The following SPOCK3 variants were observed in gnomAD, a reference collection of about 807,000 sequenced individuals.
SPOCK3 encodes the protein testican-3.
A neutral mutation model predicts 56.6 loss-of-function variants in SPOCK3; 30 were observed. The observed-to-expected ratio is 0.53, with a 90% CI of 0.40 to 0.72. The LOEUF is 0.72. Among genes scored for constraint, SPOCK3 ranks in the 30% least tolerant of loss-of-function variants. SPOCK3 has a pLI of 0.00. For synonymous variants in SPOCK3, 196 were observed against 183.3 expected (o/e 1.07, Z -0.56); for missense variants, 527 against 530.0 (o/e 0.99, Z 0.06).
intron 2 of SPOCK3, among the ~76,000 whole-genome samples, chr4:167,078,296 C>T (rs1757382972): frequency 7.4e-6 from 1 of 135,236 alleles, no homozygotes; most frequent in African/African-American, 2.7e-5. Context: ...TATGTGTATC[C>T]AGGTCATAAC....
chr4:166,921,258 G>A (rs1278466977), intron 4 of SPOCK3, among the ~76,000 whole-genome samples: 1 of 151,708 alleles, frequency 6.6e-6, no homozygotes, highest in African/African-American at 2.4e-5. Context: ...TTATCCTATA[G>A]CATTTTTCTA....
chr4:166,752,571 TATACACACACACACACAC>T (rs1179129608), intron 8 of SPOCK3, among the ~76,000 whole-genome samples: 75 of 13,326 alleles, frequency 5.6e-3, no homozygotes, highest in African/African-American at 0.018. Flanking sequence ...TATATATATA[TATACACACACACACACAC>T]ACACACACAC....
intron 4 of SPOCK3, among the ~76,000 whole-genome samples, chr4:166,983,778 T>C (rs557983853): frequency 6.6e-6 from 1 of 152,196 alleles, no homozygotes; most frequent in South Asian, 2.1e-4. Flanking sequence ...TGTGGAATTA[T>C]GTAGTTATCT....
intron 6 of SPOCK3, among the ~76,000 whole-genome samples, chr4:166,870,544 AAG>A (rs1253906516): frequency 2.6e-5 from 4 of 152,272 alleles, no homozygotes; most frequent in East Asian, 3.9e-4. Flanking sequence ...AGAAATCAAT[AAG>A]AGAGATAGTT....
chr4:167,166,715 G>A (rs530874490), intron 2 of SPOCK3, among the ~76,000 whole-genome samples: 91 of 152,144 alleles, frequency 6.0e-4, no homozygotes, highest in Admixed American at 1.5e-3. Context: ...ACTCCTTAGC[G>A]GGAGAATAGC....
intron 3 of SPOCK3, among the ~76,000 whole-genome samples, chr4:167,032,146 A>G (rs1017287212): frequency 2.6e-5 from 4 of 152,034 alleles, no homozygotes; most frequent in African/African-American, 7.2e-5. Flanking sequence ...AGCAAAAATC[A>G]TTAAATAAAA....
intron 3 of SPOCK3, among the ~76,000 whole-genome samples, chr4:167,038,012 C>T (rs1213107730): frequency 2.0e-5 from 3 of 152,062 alleles, no homozygotes; most frequent in Non-Finnish European, 2.9e-5. Context: ...TCAACATGCG[C>T]AATTTTCAGG....
At chr4:166,996,222 G>A (rs1748364214) in intron 4 of SPOCK3, among the ~76,000 whole-genome samples, 1 of 152,008 alleles carries the variant, frequency 6.6e-6, no homozygotes, top group Non-Finnish European at 1.5e-5. Flanking sequence ...TGTAAATGAA[G>A]TAGAAATTAA....
chr4:167,005,150 C>A (rs1749334518), intron 3 of SPOCK3, among the ~76,000 whole-genome samples: 2 of 152,220 alleles, frequency 1.3e-5, no homozygotes, highest in Non-Finnish European at 2.9e-5. Flanking sequence ...AACGCAGGCA[C>A]CATCTCCCAG....
At chr4:167,011,176 T>C (rs2558141) in intron 3 of SPOCK3, 240,406 of 428,352 alleles carry the variant, frequency 0.56, 71,621 homozygotes, top group East Asian at 0.84. Context: ...TAAAATATAA[T>C]ACAAATTGAG....
intron 8 of SPOCK3, among the ~76,000 whole-genome samples, chr4:166,742,326 T>C (rs1051106365): frequency 1.3e-5 from 2 of 152,128 alleles, no homozygotes; most frequent in African/African-American, 4.8e-5. Flanking sequence ...ACTTTCCTAA[T>C]TGTCAATATA....
chr4:166,768,150 A>C (rs1579166837), intron 7 of SPOCK3, among the ~76,000 whole-genome samples: 2 of 152,064 alleles, frequency 1.3e-5, no homozygotes, highest in African/African-American at 4.8e-5. Flanking sequence ...CCAATTTGCC[A>C]GTCTGTGTCT....
intron 8 of SPOCK3, among the ~76,000 whole-genome samples, chr4:166,743,074 G>A (rs562315852): frequency 2.4e-4 from 36 of 151,874 alleles, no homozygotes; most frequent in Non-Finnish European, 5.0e-4. Context: ...GATCCCCCTC[G>A]GATACTAAGA....
At chr4:166,899,242 A>ATATCTATCTATCTATCTATC (rs75617799) in intron 5 of SPOCK3, among the ~76,000 whole-genome samples, 24 of 117,340 alleles carry the variant, frequency 2.0e-4, no homozygotes, top group Non-Finnish European at 2.8e-4. Context: ...AAATCTCCTC[A>ATATCTATCTATCTATCTATC]TATCTATCTA....
intron 2 of SPOCK3, among the ~76,000 whole-genome samples, chr4:167,160,401 C>T (rs1459377066): frequency 7.2e-5 from 11 of 152,040 alleles, no homozygotes; most frequent in African/African-American, 2.7e-4. Flanking sequence ...AGGATACAAA[C>T]AAATGGAAGA....
chr4:166,864,133 A>G (rs1731530543), intron 6 of SPOCK3, among the ~76,000 whole-genome samples: 1 of 152,186 alleles, frequency 6.6e-6, no homozygotes, highest in African/African-American at 2.4e-5. Flanking sequence ...AAATTCACTC[A>G]AAACCACACA....
intron 3 of SPOCK3, among the ~76,000 whole-genome samples, chr4:167,015,694 A>T (rs924468509): frequency 3.9e-5 from 6 of 152,126 alleles, no homozygotes; most frequent in Admixed American, 3.9e-4. Flanking sequence ...GTTAAACGAA[A>T]CTTTCATTGA....
intron 6 of SPOCK3, among the ~76,000 whole-genome samples, chr4:166,845,263 C>T (rs1579401710): frequency 1.3e-5 from 2 of 152,008 alleles, no homozygotes; most frequent in South Asian, 2.1e-4. Flanking sequence ...ATGACTGAAC[C>T]ATTTGCAAAA....
intron 2 of SPOCK3, among the ~76,000 whole-genome samples, chr4:167,152,516 C>T (rs940492132): frequency 2.0e-5 from 3 of 152,144 alleles, no homozygotes; most frequent in Admixed American, 6.5e-5. Flanking sequence ...CCTGACAGTT[C>T]ATAACAGATA....
Sources: gnomAD v4.1 joint callset for allele counts (sites outside exome capture counted in the v4.1 genomes callset) on GRCh38, gnomAD v4.1.1 for gene constraint, MANE v1.5 for transcripts, NCBI Gene and HGNC (gene_info 2026-07-23, HGNC 2026-07-21) for gene names.